FGF12: variants seen among roughly 807,000 people sequenced by gnomAD.
FGF12 encodes the protein fibroblast growth factor 12.
A neutral mutation model predicts 23.6 loss-of-function variants in FGF12; 14 were observed. The observed-to-expected ratio is 0.59, with a 90% CI of 0.39 to 0.93. The LOEUF is 0.93. FGF12 is among the 40% of genes least tolerant of loss of function. The pLI is 0.00. For synonymous variants in FGF12, 62 were observed against 77.3 expected (o/e 0.80, Z 1.04); for missense variants, 175 against 217.8 (o/e 0.80, Z 1.24).
chr3:192,479,505 C>G (rs1331449236), intron 2 of FGF12, among the ~76,000 whole-genome samples: 1 of 151,678 alleles, frequency 6.6e-6, no homozygotes, highest in Non-Finnish European at 1.5e-5. Context: ...TCTCTTTCAC[C>G]AAACAAAATG....
chr3:192,331,646 C>A (rs1194362319), intron 4 of FGF12, among the ~76,000 whole-genome samples: 1 of 151,958 alleles, frequency 6.6e-6, no homozygotes, highest in Non-Finnish European at 1.5e-5. Context: ...AAGTAGTCAA[C>A]CTCTTTGTAA....
At chr3:192,512,393 G>T (rs1483771125) in intron 2 of FGF12, among the ~76,000 whole-genome samples, 2 of 151,988 alleles carry the variant, frequency 1.3e-5, no homozygotes, top group African/African-American at 4.8e-5. Flanking sequence ...AATGATAAAA[G>T]GACCTAAAAT....
Position 192,305,695 on chromosome 3 carries a change from T to TATATATATAA in FGF12, c.228+29665_228+29666insTTATATATAT, listed in dbSNP as rs1299668639. On this transcript the variant is annotated intron_variant, in intron 4 of 5. Transcript: ENST00000445105. The stretch of plus-strand genomic sequence containing the variant: ...AAAAAAAAAAATATATATATATATA[T>TATATATATAA]AAATATATATAAATCCTATGAAAAA... Among the ~76,000 whole-genome samples the TATATATATAA allele has an allele frequency of 7.0e-3, 1,012 of 144,482 alleles. 14 individuals carry two copies. Among genetic ancestry groups the TATATATATAA allele is most frequent in the African/African-American group, 0.025 (972 of 39,106 alleles). 94.8% of individuals were successfully genotyped at this position (144,482 alleles called of 152,430 possible). A position where few individuals can be genotyped will look rare whatever the true frequency, so the allele number is the denominator to read the frequency against.
At chr3:192,302,781 C>T (rs1715419177) in intron 4 of FGF12, among the ~76,000 whole-genome samples, 1 of 152,142 alleles carries the variant, frequency 6.6e-6, no homozygotes, top group South Asian at 2.1e-4. Context: ...TGTCACAAGT[C>T]TTGCATTGGT....
chr3:192,596,068 G>C (rs1326084140), intron 2 of FGF12, among the ~76,000 whole-genome samples: 1 of 103,522 alleles, frequency 9.7e-6, no homozygotes, highest in Non-Finnish European at 2.1e-5. Context: ...ACTCCAGCCT[G>C]GTGACACAGC....
intron 2 of FGF12, among the ~76,000 whole-genome samples, chr3:192,715,921 G>C (rs1417518742): frequency 6.6e-6 from 1 of 152,164 alleles, no homozygotes; most frequent in East Asian, 1.9e-4. Context: ...GATAATGCTG[G>C]GCTAATTGTC....
rs182342859 is a variant in FGF12, at chr3:192,441,808, G to A, written c.14-81270C>T. ...GGAAAGGTACCAATTACCTCTCAAAGACTGGCCTGGTTTCCCAGTGAACAA... is the reference window on the plus strand; with the variant it reads ...GGAAAGGTACCAATTACCTCTCAAAAACTGGCCTGGTTTCCCAGTGAACAA... On this transcript the variant is annotated intron_variant, in intron 2 of 5. Coordinates refer to ENST00000445105, the MANE Select transcript of FGF12 (RefSeq NM_004113.6). Among the ~76,000 whole-genome samples the A allele has an allele frequency of 1.2e-4, 19 of 152,258 alleles. No individual in the cohort carries two copies. The East Asian group carries it at 3.7e-3, about 29-fold the overall frequency.
chr3:192,607,463 T>G (rs200269904), intron 2 of FGF12, among the ~76,000 whole-genome samples: 1 of 152,280 alleles, frequency 6.6e-6, no homozygotes, highest in African/African-American at 2.4e-5. Context: ...TGCTTTCCAC[T>G]AGAGCTTCTG....
intron 4 of FGF12, among the ~76,000 whole-genome samples, chr3:192,241,092 A>G (rs1181946636): frequency 1.3e-5 from 2 of 152,218 alleles, no homozygotes; most frequent in Non-Finnish European, 2.9e-5. Flanking sequence ...ACAAATACAA[A>G]CAAAACCCAA....
chr3:192,209,116 T>C (rs1577237450), intron 4 of FGF12, among the ~76,000 whole-genome samples: 1 of 152,246 alleles, frequency 6.6e-6, no homozygotes, highest in Non-Finnish European at 1.5e-5. Context: ...AAGGCTAATA[T>C]GATATAAATG....
At chr3:192,592,534 T>G (rs747082641) in intron 2 of FGF12, among the ~76,000 whole-genome samples, 1 of 151,840 alleles carries the variant, frequency 6.6e-6, no homozygotes, top group South Asian at 2.1e-4. Context: ...TTGTTCACCA[T>G]GCGGGATGCA....
intron 5 of FGF12, among the ~76,000 whole-genome samples, chr3:192,160,676 TACTA>T (rs988919129): frequency 3.0e-4 from 46 of 152,180 alleles, no homozygotes; most frequent in African/African-American, 8.2e-4. Context: ...TTTCCTTGAG[TACTA>T]ACTGTGTCCC....
intron 4 of FGF12, among the ~76,000 whole-genome samples, chr3:192,181,634 T>G (rs1052851798): frequency 4.6e-5 from 7 of 151,050 alleles, no homozygotes; most frequent in African/African-American, 7.3e-5. Flanking sequence ...AATTTGTTTT[T>G]TTTTTTTTTT....
intron 5 of FGF12, among the ~76,000 whole-genome samples, chr3:192,170,050 ACCACTT>A (rs1451960004): frequency 6.8e-6 from 1 of 146,540 alleles, no homozygotes; most frequent in Non-Finnish European, 1.5e-5. Context: ...GATAGTAACT[ACCACTT>A]CTTTTCTACT....
intron 4 of FGF12, among the ~76,000 whole-genome samples, chr3:192,315,948 C>A (rs1342491333): frequency 2.0e-5 from 3 of 152,138 alleles, no homozygotes; most frequent in African/African-American, 7.2e-5. Flanking sequence ...AAAAATGTAA[C>A]CCAAACCGAT....
At chr3:192,596,574 A>C (rs1000144789) in intron 2 of FGF12, among the ~76,000 whole-genome samples, 7 of 146,640 alleles carry the variant, frequency 4.8e-5, no homozygotes, top group African/African-American at 1.7e-4. Context: ...TAGGATACAA[A>C]GCAAATATAT....
At chr3:192,527,515 A>G (rs1724974038) in intron 2 of FGF12, among the ~76,000 whole-genome samples, 2 of 152,310 alleles carry the variant, frequency 1.3e-5, no homozygotes, top group South Asian at 2.1e-4. Context: ...TCTGTTTTCT[A>G]TGGTCTTATG....
intron 2 of FGF12, among the ~76,000 whole-genome samples, chr3:192,446,712 T>C (rs373279341): frequency 1.3e-5 from 2 of 152,286 alleles, no homozygotes; most frequent in East Asian, 3.9e-4. Context: ...CATCCTCACC[T>C]TGAATAATAT....
intron 4 of FGF12, among the ~76,000 whole-genome samples, chr3:192,266,653 T>C (rs1431983362): frequency 1.3e-5 from 2 of 152,198 alleles, no homozygotes; most frequent in African/African-American, 4.8e-5. Flanking sequence ...TGGTAGCTCA[T>C]AAAATGAATA....
Sources: allele counts gnomAD v4.1 joint callset (sites outside exome capture counted in the v4.1 genomes callset), GRCh38; gene constraint gnomAD v4.1.1; transcripts MANE v1.5; gene names NCBI Gene and HGNC (gene_info 2026-07-23, HGNC 2026-07-21).